The following RYR3 variants were observed in gnomAD, a reference collection of about 807,000 sequenced individuals.
The protein encoded by RYR3 is brain ryanodine receptor-calcium release channel.
In RYR3, 207 loss-of-function variants were observed where a neutral mutation model predicts 584.3. The ratio of observed to expected loss-of-function variants is 0.35; its 90% confidence interval spans 0.32 to 0.40. RYR3 has a LOEUF of 0.40. Ranked by LOEUF, RYR3 falls within the 10% of genes least tolerant of loss-of-function variation. The probability of loss-of-function intolerance (pLI) is 1.00; values close to 1 mark genes in which losing one functional copy is unlikely to be tolerated. For synonymous variants in RYR3, 2,416 were observed against 2,248.5 expected (o/e 1.07, Z -2.11); for missense variants, 5,616 against 6,089.2 (o/e 0.92, Z 2.59).
chr15:33,823,381 A>C (rs1309688405), intron 81 of RYR3, among the ~76,000 whole-genome samples: 1 of 152,128 alleles, frequency 6.6e-6, no homozygotes, highest in Admixed American at 6.5e-5. Flanking sequence ...GTGCGCATTG[A>C]GTTTCTCATC....
rs185551076 is a variant in RYR3, at chr15:33,433,766, C to T, written c.52-39653C>T. On this transcript the variant is annotated intron_variant, in intron 1 of 103. Transcript: ENST00000634891. ...TGTATTTGCTTCCCCTTCCTTACCTCAAGCTTTGGGATGCCCCATTCCACA... is the reference window on the plus strand; with the variant it reads ...TGTATTTGCTTCCCCTTCCTTACCTTAAGCTTTGGGATGCCCCATTCCACA... Among the ~76,000 whole-genome samples the T allele has an allele frequency of 2.4e-3, 372 of 152,300 alleles. 1 individual carries two copies. The highest frequency in any genetic ancestry group is 7.3e-3 in the African/African-American group (303 of 41,552).
At chr15:33,679,353 C>A (rs1422511335) in intron 38 of RYR3, among the ~76,000 whole-genome samples, 1 of 152,166 alleles carries the variant, frequency 6.6e-6, no homozygotes, top group Non-Finnish European at 1.5e-5. Flanking sequence ...CACTTACTCA[C>A]CATAGTGAGT....
intron 3 of RYR3, among the ~76,000 whole-genome samples, chr15:33,530,206 T>G (rs2054748734): frequency 6.6e-6 from 1 of 152,242 alleles, no homozygotes; most frequent in African/African-American, 2.4e-5. Flanking sequence ...CCACACTGCC[T>G]TTGTGTTGCT....
At chr15:33,507,144 G>A (rs947175681) in intron 3 of RYR3, among the ~76,000 whole-genome samples, 1 of 152,124 alleles carries the variant, frequency 6.6e-6, no homozygotes, top group Admixed American at 6.5e-5. Flanking sequence ...TGTAGCTACT[G>A]GACATTTTTA....
In RYR3 at chr15:33,817,085, G is replaced by A. The variant is rs975562829; in HGVS notation, c.10599+127G>A. On this transcript the variant is annotated intron_variant, in intron 75 of 103. Coordinates refer to ENST00000634891, the MANE Select transcript of RYR3 (RefSeq NM_001036.6). The stretch of plus-strand genomic sequence containing the variant: ...TGTATACAGTTGAAAAGCACTAACT[G>A]TGTAAGTGCTCAGGGGAGGCCCTGC... 12 of 585,712 alleles carry A rather than the reference G, an allele frequency of 2.0e-5. No individual in the cohort carries two copies. In the African/African-American group the frequency reaches 2.1e-4, roughly 10 times the overall value. The allele number at this position is 585,712 out of a possible 1,614,324, so 36.3% of individuals were successfully genotyped here.
intron 57 of RYR3, among the ~76,000 whole-genome samples, chr15:33,753,558 G>A (rs970152483): frequency 9.2e-5 from 14 of 152,204 alleles, no homozygotes; most frequent in East Asian, 7.7e-4. Context: ...TTTTTATTCC[G>A]ATATAGCCAT....
chr15:33,725,225 C>T (rs1413172590), intron 45 of RYR3, among the ~76,000 whole-genome samples: 1 of 128,884 alleles, frequency 7.8e-6, no homozygotes, highest in Non-Finnish European at 1.7e-5. Flanking sequence ...CTTCTTAGGA[C>T]CCCTCCTGTG....
intron 100 of RYR3, 31 bp downstream of exon 100, chr15:33,859,762 A>ACAATT: frequency 1.3e-6 from 2 of 1,583,856 alleles, no homozygotes; most frequent in Non-Finnish European, 1.7e-6. Flanking sequence ...GAGTATGAAC[A>ACAATT]GGGTTTAATC....
intron 31 of RYR3, 125 bp from the exon 32 acceptor site, chr15:33,652,593 G>T: frequency 2.1e-6 from 2 of 941,860 alleles, no homozygotes; most frequent in South Asian, 1.6e-5. Flanking sequence ...AAAAGTATTT[G>T]GGGCTGAACA....
chr15:33,738,546 A>T lies in RYR3; in HGVS notation c.7612A>T (p.Thr2538Ser). 1 of 1,613,930 alleles carries T rather than the reference A, an allele frequency of 6.2e-7. No individual in the cohort carries two copies. The highest frequency in any genetic ancestry group is 8.5e-7 in the Non-Finnish European group (1 of 1,179,848). ...AGCTGTGGAAGAAGAGCTGCACCTA[A>T]CGGAGAAGCTTTTCTGGGGGATTTT... ...GLAVEEELHL[T>S]EKLFWGIFDS... is the part of the protein sequence containing the mutation. The change falls in exon 50 of 104, where the codon ACG (threonine) becomes TCG (serine). Residue 2538 changes from threonine (T) to serine (S), a missense_variant. Transcript: ENST00000634891.
rs1425267376 is a variant in RYR3, at chr15:33,649,224, G to A, written c.4131G>A (p.Arg1377=). 1 of 1,612,454 alleles carries A rather than the reference G, an allele frequency of 6.2e-7. No individual in the cohort carries two copies. Among genetic ancestry groups the A allele is most frequent in the South Asian group, 1.1e-5 (1 of 91,006 alleles). The change falls in exon 31 of 104, where the codon CGG becomes CGA. Residue 1377 remains arginine, a synonymous_variant. Coordinates refer to ENST00000634891, the MANE Select transcript of RYR3 (RefSeq NM_001036.6). ...TCACCCTAGGGGATGAAAGAGGCCGGGTCCATGAAAGGTAAGGGGGCTCCC... is the reference window on the plus strand; with the variant it reads ...TCACCCTAGGGGATGAAAGAGGCCGAGTCCATGAAAGGTAAGGGGGCTCCC... The part of the protein sequence containing the change: ...VTVTLGDERG[R]VHESVKRSNC...
At chr15:33,512,512 G>A (rs914434471) in intron 3 of RYR3, among the ~76,000 whole-genome samples, 2 of 152,182 alleles carry the variant, frequency 1.3e-5, no homozygotes, top group African/African-American at 4.8e-5. Context: ...CAGCTTTAGT[G>A]TGACTGTCTT....
chr15:33,537,480 A>T lies in RYR3; in HGVS notation c.434-1870A>T, dbSNP rs187504019. Among the ~76,000 whole-genome samples, 27 of 152,252 alleles carry T rather than the reference A, an allele frequency of 1.8e-4. No homozygotes were observed. The East Asian group carries it at 5.2e-3, about 29-fold the overall frequency. On this transcript the variant is annotated intron_variant, in intron 5 of 103. Coordinates refer to ENST00000634891, the MANE Select transcript of RYR3 (RefSeq NM_001036.6). ...ATGTGGATTAAATTTTTGTCTGAAAATTTCCTAATTACAGCTTCACAAGTC... is the reference window on the plus strand; with the variant it reads ...ATGTGGATTAAATTTTTGTCTGAAATTTTCCTAATTACAGCTTCACAAGTC...
chr15:33,859,470 G>T, intron 99 of RYR3, 105 bp from the exon 100 acceptor site: 1 of 1,317,666 alleles, frequency 7.6e-7, no homozygotes, highest in Non-Finnish European at 1.1e-6. Flanking sequence ...CCCTCTCGTG[G>T]CTTAGGGCTG....
intron 43 of RYR3, among the ~76,000 whole-genome samples, chr15:33,721,825 TG>T (rs1333934427): frequency 6.6e-6 from 1 of 152,162 alleles, no homozygotes; most frequent in Admixed American, 6.5e-5. Context: ...ATATATGTAT[TG>T]GCTCTAAGAA....
At chr15:33,760,383 G>A (rs1390294380) in intron 60 of RYR3, among the ~76,000 whole-genome samples, 1 of 152,002 alleles carries the variant, frequency 6.6e-6, no homozygotes, top group Non-Finnish European at 1.5e-5. Context: ...GACACACATA[G>A]GCTCAAAATA....
At chr15:33,553,063 GA>G (rs1486664330) in intron 10 of RYR3, among the ~76,000 whole-genome samples, 1 of 152,202 alleles carries the variant, frequency 6.6e-6, no homozygotes, top group South Asian at 2.1e-4. Flanking sequence ...AGCGGTTCAG[GA>G]TCTGTGTGGT....
chr15:33,550,062 T>G, intron 9 of RYR3, 98 bp from the exon 10 acceptor site: 1 of 1,284,512 alleles, frequency 7.8e-7, no homozygotes, highest in Non-Finnish European at 1.1e-6. Context: ...ACCAGAAGGG[T>G]TATAAGTCTG....
At chr15:33,813,259 T>C (rs903287840) in intron 73 of RYR3, among the ~76,000 whole-genome samples, 1 of 152,200 alleles carries the variant, frequency 6.6e-6, no homozygotes, top group Non-Finnish European at 1.5e-5. Flanking sequence ...TAAGCTGCTA[T>C]TAGGGAATAA....
Sources: allele counts gnomAD v4.1 joint callset (sites outside exome capture counted in the v4.1 genomes callset), GRCh38; gene constraint gnomAD v4.1.1; transcripts MANE v1.5; gene names NCBI Gene and HGNC (gene_info 2026-07-23, HGNC 2026-07-21).